The following COP1 variants were observed in gnomAD, a reference collection of about 807,000 sequenced individuals.
COP1 encodes the protein COP1 E3 ubiquitin ligase, also known as E3 ubiquitin-protein ligase COP1.
A neutral mutation model predicts 101.3 loss-of-function variants in COP1; 24 were observed. The ratio of observed to expected loss-of-function variants is 0.24; its 90% CI spans 0.17 to 0.33. COP1 has a LOEUF of 0.33. COP1 is among the 10% of genes least tolerant of loss of function. COP1 has a pLI of 1.00. For missense variants in COP1, 663 were observed against 906.2 expected, an observed-to-expected ratio of 0.73 and a Z score of 3.45; for synonymous variants, 347 against 341.9, an observed-to-expected ratio of 1.01 and a Z score of -0.17.
intron 14 of COP1, among the ~76,000 whole-genome samples, chr1:176,033,809 T>TA (rs1347427647): frequency 2.0e-5 from 3 of 152,130 alleles, no homozygotes; most frequent in African/African-American, 7.2e-5. Flanking sequence ...AATAGCTGTT[T>TA]AAAAAATTCC....
chr1:176,007,974 T>A (rs1163990781), intron 15 of COP1, among the ~76,000 whole-genome samples: 2 of 152,160 alleles, frequency 1.3e-5, no homozygotes, highest in South Asian at 4.1e-4. Context: ...GATCTCAGAC[T>A]GCTCTGCTAG....
chr1:176,206,814 G>C lies in COP1; in HGVS notation c.165C>G (p.Ala55=). ...AALVSGGVAQ[A]AGSGGLGGPV... ...GGCCCCCGAGGCCGCCCGAGCCGGCGGCCTGGGCCACCCCGCCGGACACCA... is the reference window on the plus strand; with the variant it reads ...GGCCCCCGAGGCCGCCCGAGCCGGCCGCCTGGGCCACCCCGCCGGACACCA... The change falls in exon 1 of 20, where the codon GCC becomes GCG. Residue 55 remains alanine (A), a synonymous_variant. Coordinates refer to ENST00000367669, the MANE Select transcript of COP1 (RefSeq NM_022457.7). 2.2e-6 allele frequency: 3 copies of C among 1,384,296 alleles called. No homozygotes were observed. The South Asian group carries it at 4.9e-5, about 23-fold the overall frequency. The allele number at this position is 1,384,296 out of a possible 1,614,324, so 85.8% of individuals were successfully genotyped here. A position where few individuals can be genotyped will look rare whatever the true frequency, so the allele number is the denominator to read the frequency against.
In COP1 at chr1:176,131,290, G is replaced by A. The variant is rs145753899; in HGVS notation, c.968+3720C>T. ...AGGTTAAAAGATTATTGCTAGATGAGGTGATGCTAAGGATCTAAACAAGGC... is the reference window on the plus strand; with the variant it reads ...AGGTTAAAAGATTATTGCTAGATGAAGTGATGCTAAGGATCTAAACAAGGC... On this transcript the variant is annotated intron_variant, in intron 8 of 19. Coordinates refer to ENST00000367669, the MANE Select transcript of COP1 (RefSeq NM_022457.7). 3.0e-4 allele frequency among the ~76,000 whole-genome samples: 46 copies of A among 151,922 alleles called. No individual in the cohort carries two copies. In the East Asian group the frequency reaches 8.1e-3, roughly 27 times the overall value.
At chr1:176,173,860 C>T (rs1014923901) in intron 3 of COP1, among the ~76,000 whole-genome samples, 11 of 150,858 alleles carry the variant, frequency 7.3e-5, no homozygotes, top group South Asian at 4.2e-4. Context: ...CAGTGGCGCA[C>T]GTCTGTGATT....
chr1:176,108,343 T>C lies in COP1; in HGVS notation c.1026+8281A>G, dbSNP rs571970111. Reference sequence around the variant, plus strand: ...TCCTATAGTTGTAGCACTATTTCTGTAACTATTCTATTATGGCTGGGCATG... The same window carrying C: ...TCCTATAGTTGTAGCACTATTTCTGCAACTATTCTATTATGGCTGGGCATG... On this transcript the variant is annotated intron_variant, in intron 9 of 19. Coordinates refer to ENST00000367669, the MANE Select transcript of COP1 (RefSeq NM_022457.7). 2.0e-5 allele frequency among the ~76,000 whole-genome samples: 3 copies of C among 152,338 alleles called. No homozygotes were observed. In the East Asian group the frequency reaches 5.8e-4, roughly 29 times the overall value.
intron 2 of COP1, among the ~76,000 whole-genome samples, chr1:176,178,470 G>C (rs1208714175): frequency 2.0e-5 from 3 of 151,806 alleles, no homozygotes; most frequent in Non-Finnish European, 2.9e-5. Flanking sequence ...CAGCCTGAGG[G>C]ACACAGCGAG....
intron 18 of COP1, among the ~76,000 whole-genome samples, chr1:175,977,705 A>G (rs1425247692): frequency 1.3e-5 from 2 of 152,152 alleles, no homozygotes; most frequent in Non-Finnish European, 2.9e-5. Flanking sequence ...GTATATTCTT[A>G]AATTAGTAAA....
chr1:176,047,549 T>C (rs1671727148), intron 11 of COP1, among the ~76,000 whole-genome samples: 1 of 152,184 alleles, frequency 6.6e-6, no homozygotes. Flanking sequence ...AGGTTTAAAA[T>C]CTATGTGTAT....
At chr1:176,171,742 C>A (rs1239249724) in intron 3 of COP1, among the ~76,000 whole-genome samples, 1 of 152,130 alleles carries the variant, frequency 6.6e-6, no homozygotes, top group Admixed American at 6.5e-5. Context: ...TAAAAGTATG[C>A]CTGTATATAC....
intron 9 of COP1, among the ~76,000 whole-genome samples, chr1:176,111,143 C>A (rs1386285974): frequency 6.6e-6 from 1 of 151,908 alleles, no homozygotes; most frequent in African/African-American, 2.4e-5. Flanking sequence ...CAGAGCGAGA[C>A]CTTGTCTCAA....
intron 1 of COP1, among the ~76,000 whole-genome samples, chr1:176,206,057 T>G (rs540211615): frequency 6.6e-6 from 1 of 152,346 alleles, no homozygotes; most frequent in African/African-American, 2.4e-5. Context: ...AAGCATGTCT[T>G]TATAAGACAT....
chr1:176,048,690 CTAAA>C (rs974602499), intron 11 of COP1, among the ~76,000 whole-genome samples: 5 of 152,082 alleles, frequency 3.3e-5, no homozygotes, highest in Non-Finnish European at 5.9e-5. Flanking sequence ...CTAGTTATCA[CTAAA>C]TACTTTTTCT....
chr1:175,947,010 A>T (rs1649260603), intron 19 of COP1, among the ~76,000 whole-genome samples, 185 bp downstream of exon 19: 1 of 152,190 alleles, frequency 6.6e-6, no homozygotes, highest in South Asian at 2.1e-4. Flanking sequence ...CTCAATAAGC[A>T]CTATCATCTT....
At chr1:176,081,322 TG>T (rs1479021881) in intron 10 of COP1, 35 bp from the exon 11 acceptor site, 4 of 1,503,130 alleles carry the variant, frequency 2.7e-6, no homozygotes, top group Non-Finnish European at 3.6e-6. Context: ...ACAAAACAGA[TG>T]AATTGAACTG....
At chr1:175,958,700 G>A in intron 18 of COP1, among the ~76,000 whole-genome samples, 1 of 151,896 alleles carries the variant, frequency 6.6e-6, no homozygotes. Context: ...AAAAGAAACT[G>A]AAAAGACTTT....
At chr1:176,006,774 C>T (rs949787752) in intron 15 of COP1, among the ~76,000 whole-genome samples, 14 of 152,028 alleles carry the variant, frequency 9.2e-5, no homozygotes, top group African/African-American at 2.9e-4. Flanking sequence ...CTCTGGCTGC[C>T]CTTAACATTT....
chr1:175,956,303 T>C (rs1347660572), intron 18 of COP1, among the ~76,000 whole-genome samples: 1 of 152,104 alleles, frequency 6.6e-6, no homozygotes, highest in Non-Finnish European at 1.5e-5. Context: ...ACCATATGTG[T>C]GCTAAAACAA....
chr1:176,201,228 T>C (rs1700232597), intron 1 of COP1, among the ~76,000 whole-genome samples: 1 of 152,120 alleles, frequency 6.6e-6, no homozygotes, highest in Non-Finnish European at 1.5e-5. Context: ...AAAACACTTC[T>C]GGTCTCAAGC....
rs1195709928 is a variant in COP1 at position 176,058,707 on chromosome 1, T to A, written c.1278-12383A>T. Among the ~76,000 whole-genome samples the A allele has an allele frequency of 2.0e-5, 3 of 148,972 alleles. No homozygotes were observed. The South Asian group carries it at 6.3e-4, about 31-fold the overall frequency. On this transcript the variant is annotated intron_variant, in intron 11 of 19. Coordinates refer to ENST00000367669, the MANE Select transcript of COP1 (RefSeq NM_022457.7). ...TGACCTTCCCTCCACTATTGTCCTA[T>A]GACCCTGCCAAATCCCCCTCTGCGA...
Sources: gnomAD v4.1 joint callset for allele counts (sites outside exome capture counted in the v4.1 genomes callset) on GRCh38, gnomAD v4.1.1 for gene constraint, MANE v1.5 for transcripts, NCBI Gene and HGNC (gene_info 2026-07-23, HGNC 2026-07-21) for gene names.